The following LIFR variants were observed in gnomAD, a reference collection of about 807,000 sequenced individuals.
The protein encoded by LIFR is LIF receptor subunit alpha.
Under a neutral mutation model 122.2 loss-of-function variants are expected in LIFR, and 84 were observed. The observed-to-expected ratio is 0.69, with a 90% confidence interval of 0.58 to 0.82. LIFR has a LOEUF of 0.82. Among genes scored for constraint, LIFR ranks in the 40% least tolerant of loss-of-function variants. The pLI is 0.00. For missense variants in LIFR, 1,294 were observed against 1,311.6 expected (o/e 0.99, Z 0.21); for synonymous variants, 422 against 434.7 (o/e 0.97, Z 0.36).
chr5:38,477,372 G>C lies in LIFR; in HGVS notation c.*4223C>G. On this transcript the variant is annotated 3_prime_UTR_variant, in exon 20 of 20. Transcript: ENST00000453190. ...GAAAATTTTCTTCTAGAATAAATAA[G>C]ATGGGCATGACAGCATGAAACTTCA... 4.7e-6 allele frequency: 1 copy of C among 212,960 alleles called. No homozygotes were observed. Among genetic ancestry groups the C allele is most frequent in the Non-Finnish European group, 9.5e-6 (1 of 105,322 alleles). The allele number at this position is 212,960 out of a possible 1,614,324, so 13.2% of individuals were successfully genotyped here.
chr5:38,510,385 C>T, intron 7 of LIFR, 79 bp downstream of exon 7: 5 of 1,308,526 alleles, frequency 3.8e-6, no homozygotes, highest in East Asian at 2.3e-5. Flanking sequence ...TCCCACCCCC[C>T]CACTCCAGAA....
chr5:38,525,304 G>A (rs1479137262), intron 4 of LIFR, among the ~76,000 whole-genome samples: 1 of 152,142 alleles, frequency 6.6e-6, no homozygotes, highest in Non-Finnish European at 1.5e-5. Flanking sequence ...GTAAAGTAAA[G>A]GTGAGTTAGA....
At chr5:38,568,172 TA>T (rs1749090271) in intron 1 of LIFR, among the ~76,000 whole-genome samples, 1 of 152,210 alleles carries the variant, frequency 6.6e-6, no homozygotes, top group Non-Finnish European at 1.5e-5. Context: ...AGACCATGCA[TA>T]AACACATAGG....
intron 7 of LIFR, among the ~76,000 whole-genome samples, chr5:38,509,613 AT>A (rs1423496676): frequency 1.3e-5 from 2 of 151,630 alleles, no homozygotes; most frequent in African/African-American, 4.9e-5. Context: ...ATATCATAAA[AT>A]CTAGTCAATC....
At chr5:38,528,902 CTGAA>C (rs1746852038) in intron 2 of LIFR, 62 bp from the exon 3 acceptor site, 1 of 977,128 alleles carries the variant, frequency 1.0e-6, no homozygotes, top group Non-Finnish European at 1.6e-6. Context: ...ACAGAATATG[CTGAA>C]TAAGTCAACT....
At position 38,546,863 on chromosome 5, in the gene LIFR, T is replaced by C. The variant is rs117176499; in HGVS notation, c.-20+9471A>G. ...GTTCAGCACTCACAGCTTTGACTAT[T>C]TGTGAGCTGAAAAAGTTTCAAAACA... On this transcript the variant is annotated intron_variant, in intron 1 of 19. Coordinates refer to ENST00000453190, the MANE Select transcript of LIFR (RefSeq NM_001127671.2). Among the ~76,000 whole-genome samples the C allele has an allele frequency of 1.2e-4, 19 of 152,282 alleles. No homozygotes were observed. The East Asian group carries it at 3.7e-3, about 29-fold the overall frequency.
In LIFR at chr5:38,563,132, G is replaced by C. The variant is rs532770951; in HGVS notation, c.-20+32129C>G. ...TCTCAAAGGGAAAGTCTGCAGCTTG[G>C]AATTTTTTTTCTGTGACACGCCCAA... On this transcript the variant is annotated intron_variant, in intron 1 of 19. Transcript: ENST00000263409. Among the ~76,000 whole-genome samples, 3 of 152,256 alleles carry C rather than the reference G, an allele frequency of 2.0e-5. No homozygotes were observed. In the East Asian group the frequency reaches 5.8e-4, roughly 29 times the overall value.
chr5:38,556,799 C>T (rs1748597135), upstream of LIFR: 1 of 148,828 alleles, frequency 6.7e-6, no homozygotes, highest in African/African-American at 2.4e-5. Context: ...CGCGGGTGCT[C>T]CAAGGAGTCG....
intron 16 of LIFR, among the ~76,000 whole-genome samples, chr5:38,486,706 C>T (rs1481732674): frequency 1.3e-5 from 2 of 152,054 alleles, no homozygotes. Flanking sequence ...TCTCTATATT[C>T]CAAAGTAGCA....
Position 38,496,357 on chromosome 5 carries a change from A to G in LIFR, c.1885+25T>C, listed in dbSNP as rs1443161434. On this transcript the variant is annotated intron_variant, in intron 13 of 19. Transcript: ENST00000453190. The stretch of plus-strand genomic sequence containing the variant: ...TCTCACTTTAGTTTCCCGTTCTTAT[A>G]TACTAAATCATCTCAAGCACTCACC... The G allele has an allele frequency of 4.5e-6, 7 of 1,539,812 alleles. No homozygotes were observed. The South Asian group carries it at 5.6e-5, about 12-fold the overall frequency.
rs144668076 is a variant in LIFR, at chr5:38,583,916, G to C, written c.-20+11345C>G. Among the ~76,000 whole-genome samples the C allele has an allele frequency of 5.2e-3, 790 of 152,132 alleles. 9 individuals carry two copies. The highest frequency in any genetic ancestry group is 0.019 in the Admixed American group (289 of 15,286). On this transcript the variant is annotated intron_variant, in intron 1 of 19. Coordinates refer to the LIFR transcript ENST00000263409. The stretch of plus-strand genomic sequence containing the variant: ...TTATAAGGGGTTTCCCTTTTCCATT[G>C]GCTCTCATTCTGTCTTGCCTGCTGC...
intron 1 of LIFR, among the ~76,000 whole-genome samples, chr5:38,538,852 G>A (rs1339389981): frequency 6.6e-6 from 1 of 152,148 alleles, no homozygotes; most frequent in East Asian, 1.9e-4. Flanking sequence ...ATATCAGAAG[G>A]CTGGCCCACC....
In LIFR at chr5:38,481,185, A is replaced by AT; in HGVS notation, c.*409dup. On this transcript the variant is annotated 3_prime_UTR_variant, in exon 20 of 20. Transcript: ENST00000453190. ...AATAAACTTCACCTGTTACTTGGAC[A>AT]TTTTCTCCCTGGCCTGCAAATCCAC... 1 of 279,032 alleles carries AT rather than the reference A, an allele frequency of 3.6e-6. No individual in the cohort carries two copies. Among genetic ancestry groups the AT allele is most frequent in the Non-Finnish European group, 6.8e-6 (1 of 146,258 alleles). The allele number at this position is 279,032 out of a possible 1,614,324, so 17.3% of individuals were successfully genotyped here. A position where few individuals can be genotyped will look rare whatever the true frequency, so the allele number is the denominator to read the frequency against.
Position 38,481,458 on chromosome 5 carries a change from G to T in LIFR, c.*137C>A. 1.0e-6 allele frequency: 1 copy of T among 964,392 alleles called. No individual in the cohort carries two copies. The highest frequency in any genetic ancestry group is 1.7e-6 in the Non-Finnish European group (1 of 600,156). 59.7% of individuals were successfully genotyped at this position (964,392 alleles called of 1,614,324 possible). Reference sequence around the variant, plus strand: ...CATTAAAAGCACATGAACACTTTCAGTGTAACTTAACATGTAGTGAAGTTC... The same window carrying T: ...CATTAAAAGCACATGAACACTTTCATTGTAACTTAACATGTAGTGAAGTTC... On this transcript the variant is annotated 3_prime_UTR_variant, in exon 20 of 20. Transcript: ENST00000453190.
intron 6 of LIFR, among the ~76,000 whole-genome samples, chr5:38,511,243 T>C (rs1011671045): frequency 6.6e-6 from 1 of 152,206 alleles, no homozygotes; most frequent in African/African-American, 2.4e-5. Context: ...TCTAATCCTT[T>C]TATCCATAGA....
chr5:38,511,404 C>T (rs867668472), intron 6 of LIFR, among the ~76,000 whole-genome samples: 9 of 151,990 alleles, frequency 5.9e-5, no homozygotes, highest in African/African-American at 7.2e-5. Context: ...TGCAGATCCC[C>T]GTGTTCCTGG....
At chr5:38,497,545 G>GT (rs1439004652) in intron 12 of LIFR, among the ~76,000 whole-genome samples, 2 of 152,188 alleles carry the variant, frequency 1.3e-5, no homozygotes, top group South Asian at 4.1e-4. Context: ...AGCATCATGG[G>GT]TTTTTTTCTA....
At chr5:38,498,829 G>A (rs1693265313) in intron 12 of LIFR, among the ~76,000 whole-genome samples, 3 of 152,106 alleles carry the variant, frequency 2.0e-5, no homozygotes, top group Non-Finnish European at 2.9e-5. Flanking sequence ...CATTGAACCT[G>A]CATGTACACT....
At chr5:38,506,474 A>G (rs760068725) in intron 8 of LIFR, 29 bp downstream of exon 8, 1 of 1,613,718 alleles carries the variant, frequency 6.2e-7, no homozygotes, top group East Asian at 2.2e-5. Flanking sequence ...ACTCCTTGCC[A>G]TCTGACATCT....
Sources: gnomAD v4.1 joint callset for allele counts (sites outside exome capture counted in the v4.1 genomes callset) on GRCh38, gnomAD v4.1.1 for gene constraint, MANE v1.5 for transcripts, NCBI Gene and HGNC (gene_info 2026-07-23, HGNC 2026-07-21) for gene names.